MTMR10: variants seen among roughly 807,000 people sequenced by gnomAD.
MTMR10 encodes the protein myotubularin-related protein 10.
A neutral mutation model predicts 88.1 loss-of-function variants in MTMR10; 56 were observed. That is an observed-to-expected ratio of 0.64 (90% CI 0.51 to 0.79). MTMR10 has a LOEUF of 0.79. Among genes scored for constraint, MTMR10 ranks in the 30% least tolerant of loss-of-function variants. The probability of loss-of-function intolerance (pLI) is 0.00; values close to 1 mark genes in which losing one functional copy is unlikely to be tolerated. For missense variants in MTMR10, 883 were observed against 924.7 expected (o/e 0.95, Z 0.58); for synonymous variants, 380 against 340.9 (o/e 1.11, Z -1.26).
chr15:30,933,481 G>A, the MTMR10 span, among the ~76,000 whole-genome samples: 1 of 152,160 alleles, frequency 6.6e-6, no homozygotes, highest in African/African-American at 2.4e-5. Flanking sequence ...TGTATTCAGA[G>A]GACATATTTT....
chr15:30,961,080 G>A lies in MTMR10; in HGVS notation c.566-7C>T, dbSNP rs751597584. ...ATTCCATTAATTTTGTTTGCTGTAG[G>A]AAAAAGCAACATTATGAATTTTAAC... On this transcript the variant is annotated splice_polypyrimidine_tract_variant and splice_region_variant and intron_variant, in intron 6 of 15. Coordinates refer to ENST00000435680, the MANE Select transcript of MTMR10 (RefSeq NM_017762.3). The A allele has an allele frequency of 3.2e-6, 5 of 1,540,504 alleles. No individual in the cohort carries two copies. The African/African-American group carries it at 6.9e-5, about 21-fold the overall frequency.
At chr15:30,969,699 A>G (rs2063514606) in intron 5 of MTMR10, among the ~76,000 whole-genome samples, 1 of 152,178 alleles carries the variant, frequency 6.6e-6, no homozygotes, top group Admixed American at 6.5e-5. Flanking sequence ...GTTCCCAGAC[A>G]TCTGCATAAC....
At chr15:30,938,819 T>C (rs924258694), downstream of MTMR10, 1 of 766,870 alleles carries the variant, frequency 1.3e-6, no homozygotes, top group Non-Finnish European at 1.6e-6. Context: ...GATCACTACC[T>C]GGCTTTAGAG....
intron 2 of MTMR10, among the ~76,000 whole-genome samples, chr15:30,985,913 C>G (rs1438153835): frequency 1.3e-5 from 2 of 152,176 alleles, no homozygotes; most frequent in Non-Finnish European, 1.5e-5. Context: ...TTCATGCTTG[C>G]AGTCCAGGGT....
chr15:30,925,274 G>A, the MTMR10 span: 1 of 1,614,040 alleles, frequency 6.2e-7, no homozygotes, highest in Non-Finnish European at 8.5e-7. Context: ...AGAAATGGCT[G>A]TGCAAGATGT....
intron 2 of MTMR10, among the ~76,000 whole-genome samples, chr15:30,985,310 T>C (rs970462713): frequency 1.3e-5 from 2 of 152,256 alleles, no homozygotes; most frequent in South Asian, 2.1e-4. Context: ...TGGGTCAAAA[T>C]CTGTCACTGT....
intron 6 of MTMR10, among the ~76,000 whole-genome samples, chr15:30,962,347 C>T (rs1169236871): frequency 6.6e-6 from 1 of 152,208 alleles, no homozygotes; most frequent in African/African-American, 2.4e-5. Flanking sequence ...CTGCTGCAGG[C>T]TGCAACTGTG....
intron 12 of MTMR10, chr15:30,950,361 A>C (rs192790032): frequency 6.6e-6 from 1 of 152,294 alleles, no homozygotes; most frequent in East Asian, 1.9e-4. Context: ...CAAGTTTGGC[A>C]GTTGTTAAAT....
intron 6 of MTMR10, among the ~76,000 whole-genome samples, chr15:30,967,448 C>T (rs1012715379): frequency 1.3e-5 from 2 of 152,136 alleles, no homozygotes; most frequent in African/African-American, 2.4e-5. Context: ...CAGTATTACT[C>T]AGAAATAGAA....
chr15:30,964,480 C>T (rs979459853), intron 6 of MTMR10, among the ~76,000 whole-genome samples: 2 of 152,208 alleles, frequency 1.3e-5, no homozygotes, highest in Admixed American at 1.3e-4. Context: ...TGCCATTTCT[C>T]TCGTTCAAAT....
the MTMR10 span, chr15:30,925,933 G>T: frequency 6.2e-7 from 1 of 1,614,152 alleles, no homozygotes; most frequent in South Asian, 1.1e-5. Context: ...CAGCGGTTTT[G>T]ACCAGGGTAA....
intron 9 of MTMR10, among the ~76,000 whole-genome samples, chr15:30,956,972 T>C (rs1361487381): frequency 2.0e-5 from 3 of 152,180 alleles, no homozygotes; most frequent in African/African-American, 4.8e-5. Context: ...GTGTGAACTA[T>C]AGTCACCTTC....
chr15:30,923,631 G>A, the MTMR10 span, among the ~76,000 whole-genome samples: 1 of 152,280 alleles, frequency 6.6e-6, no homozygotes, highest in African/African-American at 2.4e-5. Context: ...GCCTGGCCAG[G>A]GCAGAGGTGG....
At chr15:30,923,976 C>T in the MTMR10 span, among the ~76,000 whole-genome samples, 1 of 152,182 alleles carries the variant, frequency 6.6e-6, no homozygotes, top group African/African-American at 2.4e-5. Flanking sequence ...AACACTGCAG[C>T]CATTAGGCAA....
chr15:30,969,575 C>A (rs1046718740), intron 5 of MTMR10, among the ~76,000 whole-genome samples: 6 of 152,150 alleles, frequency 3.9e-5, no homozygotes, highest in Admixed American at 1.3e-4. Context: ...GCCATACTCA[C>A]CTTATGGCAC....
intron 5 of MTMR10, among the ~76,000 whole-genome samples, chr15:30,971,554 A>G (rs969194731): frequency 6.6e-6 from 1 of 152,216 alleles, no homozygotes; most frequent in Non-Finnish European, 1.5e-5. Context: ...AGATGAATGG[A>G]ATTCACTTCT....
chr15:30,928,513 T>G, the MTMR10 span: 1 of 1,591,980 alleles, frequency 6.3e-7, no homozygotes, highest in Non-Finnish European at 8.6e-7. Flanking sequence ...ATTTTGTGTG[T>G]GTGTGTGTGT....
chr15:30,969,886 T>C (rs2063516969), intron 5 of MTMR10, among the ~76,000 whole-genome samples: 1 of 152,088 alleles, frequency 6.6e-6, no homozygotes, highest in Admixed American at 6.6e-5. Flanking sequence ...AAAATCCTAC[T>C]CCTCTTAGCC....
chr15:30,920,583 C>G, the MTMR10 span: 1 of 1,611,808 alleles, frequency 6.2e-7, no homozygotes, highest in Admixed American at 1.7e-5. Flanking sequence ...CGGTGTTTCA[C>G]TGTTGGGTGG....
Sources: allele counts gnomAD v4.1 joint callset (sites outside exome capture counted in the v4.1 genomes callset), GRCh38; gene constraint gnomAD v4.1.1; transcripts MANE v1.5; gene names NCBI Gene and HGNC (gene_info 2026-07-23, HGNC 2026-07-21).